Variants in VAV2 observed in about 807,000 individuals in gnomAD.
The protein encoded by VAV2 is guanine nucleotide exchange factor VAV2.
VAV2 carries 67 observed loss-of-function variants against 132.5 expected under a neutral mutation model. The ratio of observed to expected loss-of-function variants is 0.51; its 90% CI spans 0.42 to 0.62. The LOEUF is 0.62. VAV2 is among the 20% of genes least tolerant of loss of function. The probability of loss-of-function intolerance (pLI) is 0.00; values close to 1 mark genes in which losing one functional copy is unlikely to be tolerated. For missense variants in VAV2, 938 were observed against 1,153.6 expected (o/e 0.81, Z 2.71); for synonymous variants, 492 against 443.5 (o/e 1.11, Z -1.37).
chr9:133,771,002 G>A (rs961109846), intron 26 of VAV2, among the ~76,000 whole-genome samples: 115 of 151,774 alleles, frequency 7.6e-4, no homozygotes, highest in African/African-American at 2.6e-3. Flanking sequence ...GACTCACTGA[G>A]ATGCCAACGC....
In VAV2 at chr9:133,991,431, G is replaced by C. The variant is rs549972937; in HGVS notation, c.204+644C>G. The stretch of plus-strand genomic sequence containing the variant: ...TGGGGGTGTTGGGAAAGCGATGGGG[G>C]CCAGGACTGGGGCCAAGTGGCCCTG... On this transcript the variant is annotated intron_variant, in intron 1 of 29. Transcript: ENST00000371850. This position sits in a 1 kb window ranked among gnomAD's most constrained non-coding sequence, Gnocchi z 4.8. 6.6e-6 allele frequency among the ~76,000 whole-genome samples: 1 copy of C among 150,858 alleles called. No individual in the cohort carries two copies. Among genetic ancestry groups the C allele is most frequent in the Non-Finnish European group, 1.5e-5 (1 of 67,424 alleles).
chr9:133,864,083 C>T (rs1046839776), intron 2 of VAV2, among the ~76,000 whole-genome samples: 3 of 152,168 alleles, frequency 2.0e-5, no homozygotes, highest in Admixed American at 2.0e-4. Context: ...CCGACTCTTC[C>T]GATATCGCAA....
Position 133,778,783 on chromosome 9 carries a change from G to A in VAV2, c.1869C>T (p.Asp623=), listed in dbSNP as rs1564336404. 12 of 1,612,806 alleles carry A rather than the reference G, an allele frequency of 7.4e-6. No homozygotes were observed. In the South Asian group the frequency reaches 9.9e-5, roughly 13 times the overall value. Residue 623 remains aspartate (D), a synonymous_variant, in exon 22 of 30, where the codon GAC becomes GAT. Transcript: ENST00000371850. ...CCACCTCCCACCACGGAGACTCAGGGTCGCCCCTCAGCAGCTCAAGCACGT... is the reference window on the plus strand; with the variant it reads ...CCACCTCCCACCACGGAGACTCAGGATCGCCCCTCAGCAGCTCAAGCACGT... ...TGDVLELLRG[D]PESPWWEGRL... is the part of the protein sequence containing the mutation.
Position 133,981,355 on chromosome 9 carries a change from G to T in VAV2, c.204+10720C>A, listed in dbSNP as rs539540878. On this transcript the variant is annotated intron_variant, in intron 1 of 29. Transcript: ENST00000371850. ...AGGTGCGCCCAGCAGCGCGCCCAGG[G>T]CTTCACCTTCCACTTGGCGGCGAGA... is the stretch of plus-strand genomic sequence containing the variant. 3.3e-4 allele frequency among the ~76,000 whole-genome samples: 51 copies of T among 152,356 alleles called. No individual in the cohort carries two copies. In the South Asian group the frequency reaches 8.1e-3, roughly 24 times the overall value.
Position 133,969,151 on chromosome 9 carries a change from C to T in VAV2, c.204+22924G>A, listed in dbSNP as rs1393150602. On this transcript the variant is annotated intron_variant, in intron 1 of 29. Transcript: ENST00000371850. The surrounding 1 kb of genome is among the most constrained non-coding windows in gnomAD (Gnocchi z 5.1). The stretch of plus-strand genomic sequence containing the variant: ...ACTTCCCCCGAGAGCTGGATTCCAC[C>T]GTGCCCGCCGGGCCTGCGAGGACGA... Among the ~76,000 whole-genome samples, 6 of 151,948 alleles carry T rather than the reference C, an allele frequency of 3.9e-5. No homozygotes were observed. Among genetic ancestry groups the T allele is most frequent in the South Asian group, 4.2e-4 (2 of 4,764 alleles).
At chr9:133,962,275 G>C (rs1020509087) in intron 1 of VAV2, among the ~76,000 whole-genome samples, 1 of 152,150 alleles carries the variant, frequency 6.6e-6, no homozygotes, top group African/African-American at 2.4e-5. Context: ...GGGAGATGCA[G>C]GGAAGCCCCA....
chr9:133,989,376 C>T (rs1241076349), intron 1 of VAV2, among the ~76,000 whole-genome samples: 6 of 148,302 alleles, frequency 4.0e-5, no homozygotes, highest in Admixed American at 1.4e-4. Context: ...AAAAATTAGC[C>T]GGGCATGGTG....
At chr9:133,783,633 G>T (rs374793896) in intron 18 of VAV2, 42 bp from the exon 19 acceptor site, 2 of 1,590,068 alleles carry the variant, frequency 1.3e-6, no homozygotes, top group South Asian at 2.2e-5. Flanking sequence ...GGCTGGGGTC[G>T]GCTCCTCATG....
At chr9:133,920,093 A>T (rs982286133) in intron 2 of VAV2, among the ~76,000 whole-genome samples, 8 of 152,260 alleles carry the variant, frequency 5.3e-5, no homozygotes, top group African/African-American at 1.9e-4. Flanking sequence ...CTTACCGCAC[A>T]CCGAGAACCA....
intron 26 of VAV2, 143 bp from the exon 27 acceptor site, chr9:133,770,644 GC>G: frequency 1.6e-6 from 2 of 1,266,314 alleles, no homozygotes; most frequent in Non-Finnish European, 2.1e-6. Flanking sequence ...CATCCCGCCA[GC>G]CCATGGTGGG....
chr9:133,771,825 C>T (rs1833636901), intron 26 of VAV2, 134 bp downstream of exon 26: 1 of 858,396 alleles, frequency 1.2e-6, no homozygotes. Flanking sequence ...GCCTTAAAAA[C>T]CAATTCCCTA....
At chr9:133,817,233 T>C (rs745510641) in intron 4 of VAV2, among the ~76,000 whole-genome samples, 11 of 151,734 alleles carry the variant, frequency 7.2e-5, no homozygotes, top group Non-Finnish European at 1.3e-4. Flanking sequence ...ATGTTTATTC[T>C]GCTTCCTTCA....
intron 1 of VAV2, among the ~76,000 whole-genome samples, chr9:133,972,088 A>G (rs563879016): frequency 5.9e-5 from 9 of 152,130 alleles, no homozygotes; most frequent in Non-Finnish European, 1.3e-4. Flanking sequence ...TGATTCATCC[A>G]TAGCCACACA....
rs1588273370 is a variant in VAV2 at position 133,855,425 on chromosome 9, C to G, written c.380+5949G>C. Reference sequence around the variant, plus strand: ...GACGCAGCCCTCACCACTGCACAAACAGACTTTCTCATTATCAGGGCCAGC... The same window carrying G: ...GACGCAGCCCTCACCACTGCACAAAGAGACTTTCTCATTATCAGGGCCAGC... On this transcript the variant is annotated intron_variant, in intron 3 of 29. Coordinates refer to ENST00000371850, the MANE Select transcript of VAV2 (RefSeq NM_001134398.2). 3.3e-5 allele frequency among the ~76,000 whole-genome samples: 5 copies of G among 152,374 alleles called. No individual in the cohort carries two copies. In the South Asian group the frequency reaches 8.3e-4, roughly 25 times the overall value.
At chr9:133,785,159 C>T (rs1834167970) in intron 17 of VAV2, among the ~76,000 whole-genome samples, 1 of 152,122 alleles carries the variant, frequency 6.6e-6, no homozygotes, top group Admixed American at 6.5e-5. Flanking sequence ...AGAACACAGG[C>T]CTTCCCCTCT....
intron 2 of VAV2, among the ~76,000 whole-genome samples, chr9:133,920,909 C>T (rs916830939): frequency 6.6e-6 from 1 of 152,248 alleles, no homozygotes; most frequent in Non-Finnish European, 1.5e-5. Context: ...CCCCTCGGCC[C>T]ACCCGCTTCC....
chr9:133,867,037 A>G (rs1051785301), intron 2 of VAV2, among the ~76,000 whole-genome samples: 2 of 152,234 alleles, frequency 1.3e-5, no homozygotes, highest in African/African-American at 4.8e-5. Context: ...GTCCTAACAG[A>G]GGTCTCGTCA....
In VAV2 at chr9:133,883,614, G is replaced by T. The variant is rs1403126480; in HGVS notation, c.322-22182C>A. 6.6e-6 allele frequency among the ~76,000 whole-genome samples: 1 copy of T among 152,204 alleles called. No homozygotes were observed. The highest frequency in any genetic ancestry group is 1.5e-5 in the Non-Finnish European group (1 of 68,040). On this transcript the variant is annotated intron_variant, in intron 2 of 29. Coordinates refer to ENST00000371850, the MANE Select transcript of VAV2 (RefSeq NM_001134398.2). This position sits in a 1 kb window ranked among gnomAD's most constrained non-coding sequence, Gnocchi z 4.2. The stretch of plus-strand genomic sequence containing the variant: ...ACGGCAGGCAGGCGGCCCAGCAGCA[G>T]GCAGGTTTCAGCTCGGCCGGAGCAG...
intron 2 of VAV2, among the ~76,000 whole-genome samples, chr9:133,931,327 G>T (rs1282322598): frequency 2.0e-5 from 3 of 152,214 alleles, no homozygotes; most frequent in African/African-American, 7.2e-5. Context: ...CTCCACAGCA[G>T]CGAGGGGGAG....
Sources: allele counts gnomAD v4.1 joint callset (sites outside exome capture counted in the v4.1 genomes callset), GRCh38; gene constraint gnomAD v4.1.1; non-coding constraint Gnocchi (gnomAD v3.1); transcripts MANE v1.5; gene names NCBI Gene and HGNC (gene_info 2026-07-23, HGNC 2026-07-21).